Variants in ADGRD1 observed in about 807,000 individuals in gnomAD.
The protein encoded by ADGRD1 is adhesion G protein-coupled receptor D1.
Under a neutral mutation model 113.4 loss-of-function variants are expected in ADGRD1, and 77 were observed. The observed-to-expected ratio is 0.68, with a 90% CI of 0.57 to 0.82. The LOEUF (loss-of-function observed/expected upper bound fraction) is 0.82. Ranked by LOEUF, ADGRD1 falls within the 40% of genes least tolerant of loss-of-function variation. The pLI is 0.00. For missense variants in ADGRD1, 1,036 were observed against 1,139.1 expected, an observed-to-expected ratio of 0.91 and a Z score of 1.30; for synonymous variants, 474 against 475.0, an observed-to-expected ratio of 1.00 and a Z score of 0.03.
chr12:131,084,752 C>T lies in ADGRD1; in HGVS notation c.1671+89C>T. 7.1e-7 allele frequency: 1 copy of T among 1,414,418 alleles called. No individual in the cohort carries two copies. Among genetic ancestry groups the T allele is most frequent in the Non-Finnish European group, 9.8e-7 (1 of 1,023,220 alleles). 87.6% of individuals were successfully genotyped at this position (1,414,418 alleles called of 1,614,324 possible). On this transcript the variant is annotated intron_variant, in intron 15 of 24. Transcript: ENST00000261654. The surrounding 1 kb of genome is among the most constrained non-coding windows in gnomAD (Gnocchi z 4.5). ...CGGGAGGATGCTTTGCCCGCCAGTGCCCACGGGCCCTGGGCACATTACTCC... is the reference window on the plus strand; with the variant it reads ...CGGGAGGATGCTTTGCCCGCCAGTGTCCACGGGCCCTGGGCACATTACTCC...
chr12:130,994,339 G>C, intron 8 of ADGRD1: 1 of 408,236 alleles, frequency 2.4e-6, no homozygotes, highest in South Asian at 1.8e-5. Context: ...GTGGCAGGCG[G>C]TGCCTTCTAT....
At chr12:130,978,472 A>G (rs1220834695) in intron 4 of ADGRD1, 1 of 152,076 alleles carries the variant, frequency 6.6e-6, no homozygotes, top group Non-Finnish European at 1.5e-5. Flanking sequence ...TTTCCTTCAG[A>G]TTTTTCCTTG....
At chr12:131,092,956 G>GA (rs1887014423) in intron 15 of ADGRD1, among the ~76,000 whole-genome samples, 1 of 151,236 alleles carries the variant, frequency 6.6e-6, no homozygotes, top group Admixed American at 6.6e-5. Flanking sequence ...GGCTGGAAAC[G>GA]ATGCTGGAGG....
intron 13 of ADGRD1, among the ~76,000 whole-genome samples, chr12:131,074,010 T>C (rs886977714): frequency 6.6e-5 from 10 of 152,178 alleles, no homozygotes; most frequent in African/African-American, 2.4e-4. Context: ...ACCCTAGCAA[T>C]ACTTACATAA....
intron 13 of ADGRD1, among the ~76,000 whole-genome samples, chr12:131,031,266 C>T (rs930839171): frequency 2.0e-5 from 3 of 152,198 alleles, no homozygotes; most frequent in Non-Finnish European, 4.4e-5. Flanking sequence ...TCTGGGGCAG[C>T]CTTGGGTACT....
At chr12:131,047,081 T>G (rs185384563) in intron 13 of ADGRD1, among the ~76,000 whole-genome samples, 1 of 151,532 alleles carries the variant, frequency 6.6e-6, no homozygotes, top group Non-Finnish European at 1.5e-5. Context: ...TCCTCCCTGG[T>G]CAGTGCTCCC....
chr12:131,122,956 C>T (rs2136062442), intron 20 of ADGRD1, among the ~76,000 whole-genome samples: 1 of 152,094 alleles, frequency 6.6e-6, no homozygotes, highest in African/African-American at 2.4e-5. Flanking sequence ...CACCCCCTAC[C>T]CCACTCCTTG....
chr12:131,136,302 C>T (rs757595853), intron 22 of ADGRD1, 139 bp downstream of exon 22: 15 of 1,073,686 alleles, frequency 1.4e-5, no homozygotes, highest in Admixed American at 2.3e-5. Context: ...GGGGCATCCC[C>T]GAAGCCTGAG....
chr12:131,043,628 T>A (rs966449487), intron 13 of ADGRD1, among the ~76,000 whole-genome samples: 4 of 152,206 alleles, frequency 2.6e-5, no homozygotes, highest in Admixed American at 1.3e-4. Context: ...TGCCCAGCAC[T>A]GGACAGAGGA....
intron 13 of ADGRD1, among the ~76,000 whole-genome samples, chr12:131,066,763 C>T (rs1047022492): frequency 7.2e-5 from 11 of 151,884 alleles, no homozygotes; most frequent in Admixed American, 6.6e-4. Context: ...ATGGGGGGAT[C>T]GTGGGGCATC....
chr12:130,956,763 G>T (rs77457497), intron 2 of ADGRD1: 2 of 151,250 alleles, frequency 1.3e-5, no homozygotes, highest in African/African-American at 2.4e-5. Flanking sequence ...GAGCCCACAC[G>T]CATTCTCACA....
intron 8 of ADGRD1, among the ~76,000 whole-genome samples, chr12:130,997,506 C>T (rs12812047): frequency 0.076 from 11,429 of 151,034 alleles, 569 homozygotes; most frequent in Middle Eastern, 0.11. Context: ...TGGGCAGAGA[C>T]GCTCCTCACC....
intron 13 of ADGRD1, among the ~76,000 whole-genome samples, chr12:131,016,520 T>C (rs900018506): frequency 6.6e-6 from 1 of 152,242 alleles, no homozygotes; most frequent in African/African-American, 2.4e-5. Context: ...GAAATGTGGC[T>C]GCGACATGCA....
intron 4 of ADGRD1, among the ~76,000 whole-genome samples, chr12:130,980,278 G>T (rs1466963402): frequency 2.7e-5 from 4 of 148,574 alleles, no homozygotes; most frequent in Non-Finnish European, 4.5e-5. Context: ...CTAATTTTTT[G>T]TATTTTTAGT....
At position 131,123,559 on chromosome 12, in the gene ADGRD1, C is replaced by A. The variant is rs9668889; in HGVS notation, c.2175+2646C>A. Among the ~76,000 whole-genome samples the A allele has an allele frequency of 4.4e-3, 668 of 151,818 alleles. 5 individuals carry two copies. The highest frequency in any genetic ancestry group is 0.015 in the African/African-American group (634 of 41,434). On this transcript the variant is annotated intron_variant, in intron 20 of 24. Transcript: ENST00000261654. ...GGTTCAGGCTGGGCGCGGTGGCTCA[C>A]GCCTGTAATCCCAGCACTTTGGGAG...
intron 13 of ADGRD1, among the ~76,000 whole-genome samples, chr12:131,037,851 G>A (rs528246518): frequency 1.3e-5 from 2 of 148,626 alleles, no homozygotes; most frequent in African/African-American, 2.5e-5. Flanking sequence ...ACTGCACCGG[G>A]TCTCACTCAC....
chr12:130,985,937 C>T (rs955551385), intron 5 of ADGRD1, among the ~76,000 whole-genome samples: 4 of 65,778 alleles, frequency 6.1e-5, no homozygotes, highest in Non-Finnish European at 1.1e-4. Context: ...GTTCATTGTA[C>T]TGCCTTTTCT....
intron 9 of ADGRD1, among the ~76,000 whole-genome samples, chr12:131,001,795 T>C (rs760782137): frequency 3.9e-5 from 6 of 152,244 alleles, no homozygotes; most frequent in Non-Finnish European, 8.8e-5. Context: ...CTTAACTGCC[T>C]TGGCCCAGAA....
At chr12:131,049,926 C>T (rs550605469) in intron 13 of ADGRD1, among the ~76,000 whole-genome samples, 45 of 152,238 alleles carry the variant, frequency 3.0e-4, no homozygotes, top group Non-Finnish European at 5.3e-4. Context: ...AGATGGGAAC[C>T]GAGCATCTAA....
Sources: allele counts gnomAD v4.1 joint callset (sites outside exome capture counted in the v4.1 genomes callset), GRCh38; gene constraint gnomAD v4.1.1; non-coding constraint Gnocchi (gnomAD v3.1); transcripts MANE v1.5; gene names NCBI Gene and HGNC (gene_info 2026-07-23, HGNC 2026-07-21).